The following CUX1 variants were observed in gnomAD, a reference collection of about 807,000 sequenced individuals.
CUX1 encodes the protein protein CASP.
A neutral mutation model predicts 158.8 loss-of-function variants in CUX1; 31 were observed. The ratio of observed to expected loss-of-function variants is 0.20; its 90% CI spans 0.15 to 0.26. The LOEUF (loss-of-function observed/expected upper bound fraction) is 0.26, where lower values mean the gene tolerates loss of function less well. Ranked by LOEUF, CUX1 falls within the 10% of genes least tolerant of loss-of-function variation. The pLI is 1.00. For synonymous variants in CUX1, 879 were observed against 862.1 expected (o/e 1.02, Z -0.34); for missense variants, 1,589 against 2,014.6 (o/e 0.79, Z 4.04).
At chr7:101,972,027 C>T (rs1190053099) in intron 2 of CUX1, among the ~76,000 whole-genome samples, 1 of 152,148 alleles carries the variant, frequency 6.6e-6, no homozygotes, top group Non-Finnish European at 1.5e-5. Context: ...ACTGCAGTGG[C>T]GCTATCTTGG....
At chr7:102,233,407 G>A (rs1799201711) in intron 21 of CUX1, among the ~76,000 whole-genome samples, 1 of 152,038 alleles carries the variant, frequency 6.6e-6, no homozygotes, top group Non-Finnish European at 1.5e-5. Flanking sequence ...GCCCAGGCTG[G>A]TCTCAAACCC....
At chr7:102,119,048 C>CA (rs1285863873) in intron 8 of CUX1, among the ~76,000 whole-genome samples, 1 of 152,234 alleles carries the variant, frequency 6.6e-6, no homozygotes, top group East Asian at 1.9e-4. Context: ...CTGCACCCAG[C>CA]ATGCTAGGTG....
At chr7:101,929,911 G>A (rs550055154) in intron 2 of CUX1, among the ~76,000 whole-genome samples, 22 of 152,040 alleles carry the variant, frequency 1.4e-4, no homozygotes, top group Non-Finnish European at 2.6e-4. Flanking sequence ...GCCTGATCTC[G>A]GCTCACTGCA....
At chr7:102,221,737 TAAAAAAAAAAAA>T (rs60706791) in intron 20 of CUX1, among the ~76,000 whole-genome samples, 2 of 134,060 alleles carry the variant, frequency 1.5e-5, no homozygotes, top group Non-Finnish European at 3.2e-5. Flanking sequence ...CAGTGCCTTG[TAAAAAAAAAAAA>T]AAAAAAAAAA....
intron 2 of CUX1, among the ~76,000 whole-genome samples, chr7:102,010,106 A>AGGGTGCAGCT (rs1412958462): frequency 1.3e-5 from 2 of 151,982 alleles, no homozygotes; most frequent in Admixed American, 1.3e-4. Context: ...TGAAACAGCA[A>AGGGTGCAGCT]GGGTGCAGCT....
At chr7:102,045,848 G>A (rs1317904969) in intron 3 of CUX1, among the ~76,000 whole-genome samples, 3 of 152,202 alleles carry the variant, frequency 2.0e-5, no homozygotes, top group Admixed American at 6.5e-5. Context: ...CTTCCCAGCT[G>A]TCATTTGGCA....
chr7:101,946,197 G>C (rs149491578), intron 2 of CUX1, among the ~76,000 whole-genome samples: 1 of 152,120 alleles, frequency 6.6e-6, no homozygotes, highest in African/African-American at 2.4e-5. Context: ...CTCTGGACCC[G>C]GGTCAGGAAG....
At chr7:102,184,348 C>T (rs1357222827) in intron 11 of CUX1, among the ~76,000 whole-genome samples, 17 of 152,242 alleles carry the variant, frequency 1.1e-4, no homozygotes, top group African/African-American at 4.1e-4. Flanking sequence ...AGCTGGGGAG[C>T]ACCAGCTAGG....
intron 1 of CUX1, among the ~76,000 whole-genome samples, chr7:101,896,234 C>T (rs1045682038): frequency 6.6e-6 from 1 of 152,052 alleles, no homozygotes; most frequent in African/African-American, 2.4e-5. Flanking sequence ...CCACAGCCAG[C>T]AGTCTTCCGA....
chr7:101,885,911 A>T (rs1800174649), intron 1 of CUX1, among the ~76,000 whole-genome samples: 1 of 152,156 alleles, frequency 6.6e-6, no homozygotes, highest in Admixed American at 6.5e-5. Flanking sequence ...CACAGGGCGG[A>T]TGCTATTTTC....
chr7:102,054,891 A>T (rs563271786), intron 3 of CUX1, among the ~76,000 whole-genome samples: 1 of 152,160 alleles, frequency 6.6e-6, no homozygotes, highest in African/African-American at 2.4e-5. Context: ...GGATCACTTC[A>T]GCCTGGGAAT....
chr7:102,160,943 T>C (rs1174347209), intron 9 of CUX1, among the ~76,000 whole-genome samples: 2 of 152,216 alleles, frequency 1.3e-5, no homozygotes, highest in Non-Finnish European at 2.9e-5. Flanking sequence ...CTTTGCGTAG[T>C]TTGCCACGAT....
intron 2 of CUX1, among the ~76,000 whole-genome samples, chr7:101,918,093 G>A (rs747391186): frequency 2.0e-5 from 3 of 152,232 alleles, no homozygotes; most frequent in Admixed American, 6.5e-5. Flanking sequence ...ATAAATACAC[G>A]AGTGTATTCA....
chr7:102,250,453 C>G lies in CUX1; in HGVS notation c.*1411C>G, dbSNP rs912314261. On this transcript the variant is annotated 3_prime_UTR_variant, in exon 24 of 24. Coordinates refer to ENST00000292535, the MANE Select transcript of CUX1 (RefSeq NM_181552.4). Reference sequence around the variant, plus strand: ...CCCAGGCCTGGGCAGGGCTTACACGCGCACTCTCTCTCTTCTTTCCCTTTT... The same window carrying G: ...CCCAGGCCTGGGCAGGGCTTACACGGGCACTCTCTCTCTTCTTTCCCTTTT... 1.0e-6 allele frequency: 1 copy of G among 985,494 alleles called. No individual in the cohort carries two copies. Among genetic ancestry groups the G allele is most frequent in the Non-Finnish European group, 1.2e-6 (1 of 829,980 alleles). 61.0% of individuals were successfully genotyped at this position (985,494 alleles called of 1,614,324 possible).
At chr7:102,276,679 C>T (rs868959873) in intron 17 of CUX1, among the ~76,000 whole-genome samples, 1 of 152,186 alleles carries the variant, frequency 6.6e-6, no homozygotes. Flanking sequence ...TTCCATTTCA[C>T]GTTGCCTTTA....
chr7:102,032,971 C>G (rs1398979342), intron 3 of CUX1, among the ~76,000 whole-genome samples: 1 of 152,106 alleles, frequency 6.6e-6, no homozygotes, highest in East Asian at 1.9e-4. Flanking sequence ...TCTGGCCAAT[C>G]CTTGCTTCTC....
chr7:101,841,907 A>G (rs961305583), intron 1 of CUX1, among the ~76,000 whole-genome samples: 1 of 152,138 alleles, frequency 6.6e-6, no homozygotes, highest in African/African-American at 2.4e-5. Context: ...TTTTGGATAA[A>G]TCTATTCAAA....
At chr7:102,171,041 G>T (rs868943314) in intron 10 of CUX1, among the ~76,000 whole-genome samples, 5 of 152,198 alleles carry the variant, frequency 3.3e-5, no homozygotes, top group Non-Finnish European at 5.9e-5. Context: ...CAGGAAGAGT[G>T]GGTATCACAC....
intron 2 of CUX1, among the ~76,000 whole-genome samples, chr7:101,938,219 C>A (rs1023657349): frequency 9.2e-5 from 14 of 151,666 alleles, no homozygotes; most frequent in African/African-American, 3.4e-4. Flanking sequence ...TTCAAGCGAT[C>A]CTTCCATCTC....
Sources: allele counts gnomAD v4.1 joint callset (sites outside exome capture counted in the v4.1 genomes callset), GRCh38; gene constraint gnomAD v4.1.1; transcripts MANE v1.5; gene names NCBI Gene and HGNC (gene_info 2026-07-23, HGNC 2026-07-21).